The following ZNF37A variants were observed in gnomAD, a reference collection of about 807,000 sequenced individuals.
ZNF37A encodes zinc finger protein 37a (KOX 21).
In ZNF37A, 10 loss-of-function variants were observed where a neutral mutation model predicts 12.3. The ratio of observed to expected loss-of-function variants is 0.82; its 90% CI spans 0.50 to 1.38. The LOEUF (loss-of-function observed/expected upper bound fraction) is 1.38, where lower values mean the gene tolerates loss of function less well. Ranked by LOEUF, ZNF37A falls within the 40% of genes most tolerant of loss-of-function variation. The probability of loss-of-function intolerance (pLI) is 0.00; values close to 1 mark genes in which losing one functional copy is unlikely to be tolerated. For missense variants in ZNF37A, 580 were observed against 651.2 expected, an observed-to-expected ratio of 0.89 and a Z score of 1.19; for synonymous variants, 207 against 223.0, an observed-to-expected ratio of 0.93 and a Z score of 0.64.
intron 6 of ZNF37A, 125 bp from the exon 7 acceptor site, chr10:38,115,066 AGTGT>A (rs56124182): frequency 0.033 from 20,600 of 618,024 alleles, 268 homozygotes; most frequent in African/African-American, 0.11. Flanking sequence ...GATTAAATGA[AGTGT>A]GTGTGTGTGT....
At chr10:38,109,537 G>A (rs1398161356) in intron 5 of ZNF37A, among the ~76,000 whole-genome samples, 1 of 152,160 alleles carries the variant, frequency 6.6e-6, no homozygotes, top group Non-Finnish European at 1.5e-5. Context: ...GATAGGAAAA[G>A]AGGAAGTCAA....
intron 7 of ZNF37A, chr10:38,139,724 C>T (rs1024228381): frequency 3.3e-5 from 5 of 152,062 alleles, no homozygotes; most frequent in African/African-American, 1.2e-4. Context: ...GTGCATATTT[C>T]GTTTACTATT....
chr10:38,104,525 C>T lies in ZNF37A; in HGVS notation c.15+7893C>T, dbSNP rs550916189. ...AGTTTGGGATGGAGTTTTGGAGTTA[C>T]CTTTTCCATTTTCAGCCTACCCCCC... On this transcript the variant is annotated intron_variant, in intron 5 of 7. Transcript: ENST00000685332. 2.6e-5 allele frequency among the ~76,000 whole-genome samples: 4 copies of T among 151,114 alleles called. No individual in the cohort carries two copies. The East Asian group carries it at 7.9e-4, about 30-fold the overall frequency.
chr10:38,113,028 G>C (rs1465809102), intron 5 of ZNF37A, among the ~76,000 whole-genome samples: 1 of 151,828 alleles, frequency 6.6e-6, no homozygotes, highest in Non-Finnish European at 1.5e-5. Context: ...TGCTGGTCTT[G>C]AACTCCTGAC....
intron 5 of ZNF37A, among the ~76,000 whole-genome samples, chr10:38,112,768 T>TCTG (rs1564932199): frequency 1.6e-5 from 1 of 64,198 alleles, no homozygotes; most frequent in Non-Finnish European, 3.4e-5. Flanking sequence ...TTCTTTTCTT[T>TCTG]TCTTTTCTTT....
intron 5 of ZNF37A, among the ~76,000 whole-genome samples, chr10:38,109,288 C>T (rs2068422611): frequency 1.3e-5 from 2 of 151,950 alleles, no homozygotes; most frequent in South Asian, 4.2e-4. Context: ...AATTCAACAC[C>T]CCTTCATGCT....
In ZNF37A at chr10:38,119,018, C is replaced by T. The variant is rs553633095; in HGVS notation, c.*181C>T. 1.5e-6 allele frequency: 2 copies of T among 1,292,390 alleles called. No individual in the cohort carries two copies. The highest frequency in any genetic ancestry group is 1.5e-5 in the African/African-American group (1 of 65,622). The allele number at this position is 1,292,390 out of a possible 1,614,324, so 80.1% of individuals were successfully genotyped here. ...ATTATTCTGGAATTTGGACCATACA[C>T]TATGTTACAAAACTAAAAGTGGAAA... On this transcript the variant is annotated 3_prime_UTR_variant, in exon 8 of 8. Coordinates refer to ENST00000685332, the MANE Select transcript of ZNF37A (RefSeq NM_001324250.3).
chr10:38,141,527 A>G (rs2070183769), intron 7 of ZNF37A: 1 of 152,224 alleles, frequency 6.6e-6, no homozygotes, highest in African/African-American at 2.4e-5. Context: ...ACTGTCACAG[A>G]GTCAAAGACA....
At chr10:38,103,590 T>A (rs2135909863) in intron 5 of ZNF37A, among the ~76,000 whole-genome samples, 1 of 152,320 alleles carries the variant, frequency 6.6e-6, no homozygotes, top group East Asian at 1.9e-4. Flanking sequence ...GTGGGTCATA[T>A]TATCTTCTTT....
At chr10:38,096,781 G>T in intron 5 of ZNF37A, 149 bp downstream of exon 5, 1 of 706,014 alleles carries the variant, frequency 1.4e-6, no homozygotes, top group Admixed American at 3.3e-5. Flanking sequence ...GCAGCCTGCC[G>T]CATGTTTTTT....
At chr10:38,146,313 G>T (rs2070253290) in intron 7 of ZNF37A, among the ~76,000 whole-genome samples, 1 of 152,086 alleles carries the variant, frequency 6.6e-6, no homozygotes, top group African/African-American at 2.4e-5. Context: ...TTTCGCTCTT[G>T]TTGCCCAGGC....
chr10:38,096,241 C>T (rs1231012172), intron 4 of ZNF37A, among the ~76,000 whole-genome samples: 2 of 152,116 alleles, frequency 1.3e-5, no homozygotes, highest in Non-Finnish European at 2.9e-5. Context: ...TGTTGGGATT[C>T]TCTGGTTTGT....
intron 7 of ZNF37A, among the ~76,000 whole-genome samples, chr10:38,145,958 G>A (rs936338757): frequency 6.6e-6 from 1 of 152,156 alleles, no homozygotes; most frequent in African/African-American, 2.4e-5. Flanking sequence ...AAATTAGCCA[G>A]GCGTGGTGGT....
At chr10:38,106,700 G>A (rs187895328) in intron 5 of ZNF37A, among the ~76,000 whole-genome samples, 6 of 151,968 alleles carry the variant, frequency 3.9e-5, no homozygotes, top group East Asian at 1.9e-4. Flanking sequence ...CAAGAACTTC[G>A]TGAAGCATAC....
intron 7 of ZNF37A, among the ~76,000 whole-genome samples, chr10:38,134,815 C>T (rs1280648924): frequency 5.3e-5 from 8 of 152,294 alleles, no homozygotes; most frequent in East Asian, 3.9e-4. Context: ...CTACTGTCTT[C>T]GAAGCTGTCA....
intron 7 of ZNF37A, chr10:38,138,126 G>C (rs1222399320): frequency 6.6e-6 from 1 of 152,182 alleles, no homozygotes; most frequent in East Asian, 1.9e-4. Context: ...CAGCACTGTG[G>C]TCCCACTTTG....
At position 38,123,370 on chromosome 10, in the gene ZNF37A, A is replaced by C. The variant is rs2069825509; in HGVS notation, c.*4533A>C. 1 of 152,216 alleles carries C rather than the reference A, an allele frequency of 6.6e-6. No individual in the cohort carries two copies. The allele number at this position is 152,216 out of a possible 1,614,324, so 9.4% of individuals were successfully genotyped here. The stretch of plus-strand genomic sequence containing the variant: ...TATTAAAATAATAGCAGTTTCTATA[A>C]ATTTAATATTTCAATAAAACTCCCA... On this transcript the variant is annotated 3_prime_UTR_variant, in exon 8 of 8. Transcript: ENST00000685332.
Position 38,118,072 on chromosome 10 carries a change from C to G in ZNF37A, c.921C>G (p.Thr307=), listed in dbSNP as rs1211887867. The G allele has an allele frequency of 6.2e-7, 1 of 1,613,744 alleles. No homozygotes were observed. Among genetic ancestry groups the G allele is most frequent in the Non-Finnish European group, 8.5e-7 (1 of 1,179,876 alleles). Residue 307 remains threonine, a synonymous_variant, in exon 8 of 8, where the codon ACC becomes ACG. Coordinates refer to ENST00000685332, the MANE Select transcript of ZNF37A (RefSeq NM_001324250.3). Reference sequence around the variant, plus strand: ...ATGAATGTCATGAATGTGGGAAGACCTTCTATAAGAATTCAGACCTCATTA... The same window carrying G: ...ATGAATGTCATGAATGTGGGAAGACGTTCTATAAGAATTCAGACCTCATTA... ...KPYECHECGK[T]FYKNSDLIKH...
At chr10:38,106,157 A>G (rs2068062098) in intron 5 of ZNF37A, among the ~76,000 whole-genome samples, 1 of 152,188 alleles carries the variant, frequency 6.6e-6, no homozygotes, top group Non-Finnish European at 1.5e-5. Context: ...AACAGGCAGC[A>G]GTCTTTGCTG....
Sources: allele counts gnomAD v4.1 joint callset (sites outside exome capture counted in the v4.1 genomes callset), GRCh38; gene constraint gnomAD v4.1.1; transcripts MANE v1.5; gene names NCBI Gene and HGNC (gene_info 2026-07-23, HGNC 2026-07-21).